Variants in USP37 observed in about 807,000 individuals in gnomAD.
The protein encoded by USP37 is ubiquitin specific peptidase 37.
Under a neutral mutation model 124.0 loss-of-function variants are expected in USP37, and 27 were observed. The observed-to-expected ratio is 0.22, with a 90% CI of 0.16 to 0.30. The LOEUF is 0.30. USP37 is among the 10% of genes least tolerant of loss of function. The pLI, the probability that USP37 is intolerant of heterozygous loss-of-function variation, is 1.00. For synonymous variants in USP37, 365 were observed against 388.0 expected (o/e 0.94, Z 0.70); for missense variants, 889 against 1,140.4 (o/e 0.78, Z 3.17).
intron 14 of USP37, among the ~76,000 whole-genome samples, chr2:218,495,182 C>T (rs1200972290): frequency 1.3e-5 from 2 of 152,126 alleles, no homozygotes; most frequent in Non-Finnish European, 2.9e-5. Flanking sequence ...TGCTTTGTTG[C>T]CCAAGCTGGA....
chr2:218,534,597 T>C lies in USP37; in HGVS notation c.778+12A>G. 6.4e-7 allele frequency: 1 copy of C among 1,557,048 alleles called. No individual in the cohort carries two copies. The highest frequency in any genetic ancestry group is 1.2e-5 in the South Asian group (1 of 82,418). On this transcript the variant is annotated intron_variant, in intron 9 of 25. Coordinates refer to ENST00000258399, the MANE Select transcript of USP37 (RefSeq NM_020935.3). ...AATGAGCACCTTATTTATTGTAAGA[T>C]CAAACACTTACCTGATGTCCTATTC...
intron 4 of USP37, among the ~76,000 whole-genome samples, chr2:218,556,507 T>G (rs1490361245): frequency 3.1e-5 from 4 of 129,656 alleles, no homozygotes; most frequent in Non-Finnish European, 6.6e-5. Flanking sequence ...TTTTCTGTTT[T>G]TTTTTTTTTT....
At chr2:218,519,454 G>C (rs1429868845) in intron 10 of USP37, among the ~76,000 whole-genome samples, 5 of 152,148 alleles carry the variant, frequency 3.3e-5, no homozygotes, top group African/African-American at 4.8e-5. Flanking sequence ...TAATGTACTA[G>C]GCTCCCTATA....
intron 10 of USP37, among the ~76,000 whole-genome samples, chr2:218,517,688 T>C (rs1690374770): frequency 6.6e-6 from 1 of 152,162 alleles, no homozygotes. Context: ...TGCCTAAGGG[T>C]AGGTTTCTTT....
chr2:218,474,781 A>C lies in USP37; in HGVS notation c.2148T>G (p.Ser716Arg). The part of the protein sequence containing the change: ...EELLAAVLEI[S>R]KRDASPSLSH... ...TCAGAGATGGTGAAGCATCTCTCTT[A>C]CTTATCTCCAAGACAGCTGCTAGAA... Residue 716 changes from serine (S) to arginine (R), a missense_variant, in exon 20 of 26, where the codon AGT becomes AGG. Coordinates refer to ENST00000258399, the MANE Select transcript of USP37 (RefSeq NM_020935.3). 1 of 1,614,140 alleles carries C rather than the reference A, an allele frequency of 6.2e-7. No homozygotes were observed. The highest frequency in any genetic ancestry group is 8.5e-7 in the Non-Finnish European group (1 of 1,180,026).
chr2:218,555,854 C>T (rs1468145601), intron 4 of USP37, among the ~76,000 whole-genome samples: 2 of 152,142 alleles, frequency 1.3e-5, no homozygotes, highest in African/African-American at 4.8e-5. Flanking sequence ...AAGTGACTGC[C>T]ATCCACTCAA....
intron 10 of USP37, among the ~76,000 whole-genome samples, chr2:218,520,806 A>T (rs1382348938): frequency 6.6e-6 from 1 of 152,220 alleles, no homozygotes; most frequent in Non-Finnish European, 1.5e-5. Flanking sequence ...ACTTGACATG[A>T]CATCAACTTG....
chr2:218,547,808 T>C (rs16859049), intron 6 of USP37, among the ~76,000 whole-genome samples: 7,381 of 152,038 alleles, frequency 0.049, 511 homozygotes, highest in African/African-American at 0.16. Flanking sequence ...GAAGGTGAGA[T>C]AGAGTTCAAT....
intron 8 of USP37, among the ~76,000 whole-genome samples, chr2:218,545,924 G>C (rs1692296391): frequency 6.6e-6 from 1 of 152,058 alleles, no homozygotes; most frequent in South Asian, 2.1e-4. Context: ...CACTAAAACA[G>C]CAGCCAGCAA....
At chr2:218,519,692 T>C (rs1425991964) in intron 10 of USP37, among the ~76,000 whole-genome samples, 1 of 151,742 alleles carries the variant, frequency 6.6e-6, no homozygotes, top group East Asian at 1.9e-4. Context: ...TGGAGTGCAG[T>C]AGTGGCGGGA....
In USP37 at chr2:218,485,660, T is replaced by C; in HGVS notation, c.1670+4A>G. 1.5e-6 allele frequency: 2 copies of C among 1,371,362 alleles called. No homozygotes were observed. The highest frequency in any genetic ancestry group is 1.9e-6 in the Non-Finnish European group (2 of 1,028,692). 84.9% of individuals were successfully genotyped at this position (1,371,362 alleles called of 1,614,324 possible). ...CAAAAAAAAAAAAAAAAAAAAAAAATTACCTAGGAAGCCTGTTAAATTTGT... is the reference window on the plus strand; with the variant it reads ...CAAAAAAAAAAAAAAAAAAAAAAAACTACCTAGGAAGCCTGTTAAATTTGT... On this transcript the variant is annotated splice_donor_region_variant and intron_variant, in intron 16 of 25. Transcript: ENST00000258399.
At chr2:218,480,194 C>G (rs572021960) in intron 17 of USP37, among the ~76,000 whole-genome samples, 2 of 149,798 alleles carry the variant, frequency 1.3e-5, no homozygotes, top group South Asian at 2.1e-4. Context: ...GTCAGGAGAT[C>G]GAGACCATCC....
At chr2:218,474,482 C>T in intron 20 of USP37, 148 bp downstream of exon 20, 2 of 1,188,788 alleles carry the variant, frequency 1.7e-6, no homozygotes, top group South Asian at 3.2e-5. Flanking sequence ...CTGCCTCAGC[C>T]TCCCGAGTAG....
At chr2:218,548,147 A>G (rs1360308645) in intron 6 of USP37, among the ~76,000 whole-genome samples, 1 of 152,158 alleles carries the variant, frequency 6.6e-6, no homozygotes, top group Non-Finnish European at 1.5e-5. Flanking sequence ...CAGACCAATG[A>G]TAAGTCTCAC....
At chr2:218,557,966 A>G (rs1467618125) in intron 4 of USP37, among the ~76,000 whole-genome samples, 1 of 149,758 alleles carries the variant, frequency 6.7e-6, no homozygotes, top group South Asian at 2.1e-4. Context: ...AAAGAAAATT[A>G]ATTTTTGCAG....
At chr2:218,523,631 A>C (rs1313770312) in intron 10 of USP37, among the ~76,000 whole-genome samples, 3 of 152,196 alleles carry the variant, frequency 2.0e-5, no homozygotes, top group East Asian at 3.9e-4. Flanking sequence ...TTGCCCAGGC[A>C]GGTCTTGAAC....
intron 10 of USP37, among the ~76,000 whole-genome samples, chr2:218,526,242 T>A (rs1559207992): frequency 6.6e-6 from 1 of 151,152 alleles, no homozygotes; most frequent in Non-Finnish European, 1.5e-5. Context: ...ATTTATTTAT[T>A]TTTTTTTTTG....
chr2:218,521,814 T>C (rs565739147), intron 10 of USP37, among the ~76,000 whole-genome samples: 1 of 152,296 alleles, frequency 6.6e-6, no homozygotes, highest in Admixed American at 6.5e-5. Flanking sequence ...GGTCTTTATT[T>C]TGCTCCAGGG....
chr2:218,507,961 T>G (rs1689766686), intron 11 of USP37, among the ~76,000 whole-genome samples: 1 of 152,198 alleles, frequency 6.6e-6, no homozygotes, highest in Non-Finnish European at 1.5e-5. Flanking sequence ...TCTTCAGTGC[T>G]TCATCTAAGT....
Sources: gnomAD v4.1 joint callset for allele counts (sites outside exome capture counted in the v4.1 genomes callset) on GRCh38, gnomAD v4.1.1 for gene constraint, MANE v1.5 for transcripts, NCBI Gene and HGNC (gene_info 2026-07-23, HGNC 2026-07-21) for gene names.